The following VPS13B variants were observed in gnomAD, a reference collection of about 807,000 sequenced individuals.
VPS13B encodes vacuolar protein sorting 13 homolog B.
Under a neutral mutation model 426.4 loss-of-function variants are expected in VPS13B, and 285 were observed. That is an observed-to-expected ratio of 0.67 (90% CI 0.61 to 0.74). VPS13B has a LOEUF of 0.74. Among genes scored for constraint, VPS13B ranks in the 30% least tolerant of loss-of-function variants. The probability of loss-of-function intolerance (pLI) is 0.00; values close to 1 mark genes in which losing one functional copy is unlikely to be tolerated. For synonymous variants in VPS13B, 1,676 were observed against 1,676.4 expected (o/e 1.00, Z 0.01); for missense variants, 4,537 against 4,782.6 (o/e 0.95, Z 1.51).
intron 34 of VPS13B, among the ~76,000 whole-genome samples, chr8:99,646,090 T>A (rs1329242688): frequency 6.6e-6 from 1 of 152,166 alleles, no homozygotes; most frequent in Non-Finnish European, 1.5e-5. Context: ...TTGGAGGGAC[T>A]AAAAGAGATA....
intron 56 of VPS13B, among the ~76,000 whole-genome samples, chr8:99,858,047 T>C (rs1379946267): frequency 6.6e-6 from 1 of 152,200 alleles, no homozygotes; most frequent in Non-Finnish European, 1.5e-5. Context: ...TCCCCTCAGA[T>C]CGCTGAGCTG....
intron 34 of VPS13B, among the ~76,000 whole-genome samples, chr8:99,660,124 A>G (rs1045136036): frequency 6.6e-6 from 1 of 152,208 alleles, no homozygotes; most frequent in Non-Finnish European, 1.5e-5. Context: ...AAAAGAGAAG[A>G]CTGCACTAGC....
chr8:99,108,915 G>A (rs1847196557), intron 5 of VPS13B, among the ~76,000 whole-genome samples: 1 of 152,094 alleles, frequency 6.6e-6, no homozygotes, highest in South Asian at 2.1e-4. Flanking sequence ...CAATTTTTTG[G>A]AACAGTTTGT....
At chr8:99,349,496 A>G (rs1811752121) in intron 19 of VPS13B, among the ~76,000 whole-genome samples, 1 of 152,138 alleles carries the variant, frequency 6.6e-6, no homozygotes, top group Non-Finnish European at 1.5e-5. Context: ...CACAGTATGT[A>G]TTTTATGATT....
intron 30 of VPS13B, among the ~76,000 whole-genome samples, chr8:99,556,097 C>T (rs1824547770): frequency 6.6e-6 from 1 of 152,142 alleles, no homozygotes; most frequent in African/African-American, 2.4e-5. Context: ...GTCTTTCAAA[C>T]TCTGTGAATT....
chr8:99,269,105 T>C (rs1249878371), intron 17 of VPS13B, among the ~76,000 whole-genome samples: 1 of 152,208 alleles, frequency 6.6e-6, no homozygotes, highest in Non-Finnish European at 1.5e-5. Context: ...CACATGGAAC[T>C]GTGACTCAAT....
chr8:99,118,081 T>C (rs577428839), intron 7 of VPS13B, among the ~76,000 whole-genome samples: 8 of 152,314 alleles, frequency 5.3e-5, no homozygotes, highest in African/African-American at 1.9e-4. Flanking sequence ...ACAGAAACAG[T>C]GTCTTATACC....
chr8:99,196,716 C>T (rs143654046), intron 17 of VPS13B, among the ~76,000 whole-genome samples: 57 of 152,170 alleles, frequency 3.7e-4, no homozygotes, highest in African/African-American at 1.3e-3. Context: ...TGGGATTACA[C>T]GTGTGAGCCA....
intron 19 of VPS13B, among the ~76,000 whole-genome samples, chr8:99,312,788 G>A (rs1034420823): frequency 4.6e-5 from 7 of 152,116 alleles, no homozygotes; most frequent in Non-Finnish European, 5.9e-5. Context: ...CATTCTCCCC[G>A]TCACTTTCAA....
At chr8:99,680,639 A>G (rs1831120834) in intron 35 of VPS13B, among the ~76,000 whole-genome samples, 1 of 152,192 alleles carries the variant, frequency 6.6e-6, no homozygotes, top group South Asian at 2.1e-4. Context: ...AGAGACATAG[A>G]TGACTCAGCT....
chr8:99,440,292 C>T (rs1817617835), intron 22 of VPS13B, among the ~76,000 whole-genome samples: 1 of 152,078 alleles, frequency 6.6e-6, no homozygotes, highest in Non-Finnish European at 1.5e-5. Flanking sequence ...GGGTCCCAAC[C>T]AGATGGTTTC....
At position 99,355,017 on chromosome 8, in the gene VPS13B, T is replaced by C. The variant is rs78936750; in HGVS notation, c.2825-29191T>C. On this transcript the variant is annotated intron_variant, in intron 19 of 61. Coordinates refer to ENST00000357162, the MANE Select transcript of VPS13B (RefSeq NM_152564.5). Reference sequence around the variant, plus strand: ...GTAAGCTTTGGAAGAGTACTATCTATAATTCTGTTAGAACAGACCTTCTGA... The same window carrying C: ...GTAAGCTTTGGAAGAGTACTATCTACAATTCTGTTAGAACAGACCTTCTGA... 2.1e-3 allele frequency among the ~76,000 whole-genome samples: 315 copies of C among 152,334 alleles called. 2 individuals carry two copies. Among genetic ancestry groups the C allele is most frequent in the Non-Finnish European group, 2.7e-3 (182 of 68,028 alleles).
chr8:99,594,138 T>C (rs1351887019), intron 33 of VPS13B, among the ~76,000 whole-genome samples: 1 of 151,552 alleles, frequency 6.6e-6, no homozygotes, highest in Non-Finnish European at 1.5e-5. Context: ...ATGGAGAGAA[T>C]TGTTGCAGAT....
At chr8:99,101,292 C>T (rs763281023) in intron 4 of VPS13B, among the ~76,000 whole-genome samples, 10 of 151,962 alleles carry the variant, frequency 6.6e-5, no homozygotes, top group Non-Finnish European at 1.0e-4. Flanking sequence ...CCACCACGCC[C>T]GGCTAATTTT....
chr8:99,195,062 G>A (rs1281313422), intron 17 of VPS13B, among the ~76,000 whole-genome samples: 1 of 152,028 alleles, frequency 6.6e-6, no homozygotes, highest in African/African-American at 2.4e-5. Context: ...GACTAGGATG[G>A]TCTCTATCTC....
At chr8:99,762,454 A>T (rs935273108) in intron 39 of VPS13B, among the ~76,000 whole-genome samples, 4 of 152,204 alleles carry the variant, frequency 2.6e-5, no homozygotes, top group Non-Finnish European at 5.9e-5. Context: ...GTAGTTAAGC[A>T]ATGATATATT....
intron 16 of VPS13B, among the ~76,000 whole-genome samples, chr8:99,183,179 T>A (rs888533041): frequency 1.3e-5 from 2 of 152,206 alleles, no homozygotes; most frequent in Non-Finnish European, 2.9e-5. Context: ...CATTTACACC[T>A]TTTTGTTCAT....
At chr8:99,597,078 A>T (rs927313360) in intron 33 of VPS13B, among the ~76,000 whole-genome samples, 1 of 152,048 alleles carries the variant, frequency 6.6e-6, no homozygotes, top group Admixed American at 6.6e-5. Context: ...TATAGTGACA[A>T]ATATTGTCTT....
intron 27 of VPS13B, among the ~76,000 whole-genome samples, chr8:99,504,503 A>T (rs1188635774): frequency 6.6e-6 from 1 of 152,174 alleles, no homozygotes; most frequent in Non-Finnish European, 1.5e-5. Flanking sequence ...GACAACATTC[A>T]TCTCCTTGTA....
Sources: allele counts gnomAD v4.1 joint callset (sites outside exome capture counted in the v4.1 genomes callset), GRCh38; gene constraint gnomAD v4.1.1; transcripts MANE v1.5; gene names NCBI Gene and HGNC (gene_info 2026-07-23, HGNC 2026-07-21).